Variants in SRPX observed in about 807,000 individuals in gnomAD.
SRPX encodes the protein sushi repeat-containing protein SRPX.
A neutral mutation model predicts 38.1 loss-of-function variants in SRPX; 24 were observed. The ratio of observed to expected loss-of-function variants is 0.63; its 90% CI spans 0.46 to 0.89. SRPX has a LOEUF of 0.89. Ranked by LOEUF, SRPX falls within the 40% of genes least tolerant of loss-of-function variation. The probability of loss-of-function intolerance (pLI) is 0.00; values close to 1 mark genes in which losing one functional copy is unlikely to be tolerated. For missense variants in SRPX, 416 were observed against 377.8 expected, an observed-to-expected ratio of 1.10 and a Z score of -0.84; for synonymous variants, 184 against 153.8, an observed-to-expected ratio of 1.20 and a Z score of -1.45.
intron 1 of SRPX, among the ~76,000 whole-genome samples, chrX:38,216,127 C>A (rs1203229653): frequency 8.9e-6 from 1 of 112,068 alleles, no homozygotes; most frequent in African/African-American, 3.2e-5. Context: ...CCTCTACTTT[C>A]ACTTTTCTTG....
At chrX:38,213,840 C>T (rs1404182593) in intron 1 of SRPX, among the ~76,000 whole-genome samples, 2 of 111,557 alleles carry the variant, frequency 1.8e-5, no homozygotes, top group Non-Finnish European at 3.8e-5. Flanking sequence ...GGAGGTGCTA[C>T]ACACTTTGAA....
intron 1 of SRPX, among the ~76,000 whole-genome samples, chrX:38,189,960 T>C (rs1413604881): frequency 1.8e-5 from 2 of 112,045 alleles, no homozygotes; most frequent in African/African-American, 6.5e-5. Flanking sequence ...GAATGAGACA[T>C]CCATCTCCCT....
chrX:38,157,108 C>T lies in SRPX; in HGVS notation c.956-79G>A, dbSNP rs149491255. 3,042 of 1,097,415 alleles carry T rather than the reference C, an allele frequency of 2.8e-3. 9 individuals carry two copies. Among genetic ancestry groups the T allele is most frequent in the Non-Finnish European group, 3.4e-3 (2,782 of 815,342 alleles). 90.4% of individuals were successfully genotyped at this position (1,097,415 alleles called of 1,213,427 possible). On this transcript the variant is annotated intron_variant, in intron 7 of 9. Transcript: ENST00000378533. The stretch of plus-strand genomic sequence containing the variant: ...ACAGAGCCTATGATGACACACAGAA[C>T]CATTTGTGTAAGAAGTAAACCCTGA...
chrX:38,219,137 A>G (rs1322699006), intron 1 of SRPX, among the ~76,000 whole-genome samples: 1 of 110,916 alleles, frequency 9.0e-6, no homozygotes, highest in African/African-American at 3.3e-5. Context: ...GGGCCCTGGT[A>G]GCAAGCTGTA....
intron 5 of SRPX, among the ~76,000 whole-genome samples, 170 bp downstream of exon 5, chrX:38,164,599 G>A (rs755874301): frequency 1.8e-5 from 2 of 112,407 alleles, no homozygotes; most frequent in South Asian, 7.4e-4. Context: ...TTATAATAGA[G>A]ACAGGCAATC....
chrX:38,170,347 C>T (rs1339969529), intron 4 of SRPX, among the ~76,000 whole-genome samples: 1 of 112,358 alleles, frequency 8.9e-6, no homozygotes, highest in Non-Finnish European at 1.9e-5. Flanking sequence ...CCCCCTACCC[C>T]TGTCAACACA....
intron 1 of SRPX, among the ~76,000 whole-genome samples, chrX:38,211,212 A>G (rs1396386410): frequency 8.9e-6 from 1 of 112,603 alleles, no homozygotes; most frequent in Non-Finnish European, 1.9e-5. Context: ...TTAAAATGTT[A>G]AAACCATTCT....
rs2073310 is a variant in SRPX at position 38,160,590 on chromosome X, T to C, written c.775+343A>G. 3.6e-3 allele frequency among the ~76,000 whole-genome samples: 401 copies of C among 111,881 alleles called. 4 individuals carry two copies. The East Asian group carries it at 0.051, about 14-fold the overall frequency. ...GTGGCCCAAATTAGGGGGCTCCTAT[T>C]CACCCTGGTTGTAGATGGACTCACA... On this transcript the variant is annotated intron_variant, in intron 6 of 9. Coordinates refer to ENST00000378533, the MANE Select transcript of SRPX (RefSeq NM_006307.5).
At chrX:38,157,218 T>C (rs1406299898) in intron 7 of SRPX, among the ~76,000 whole-genome samples, 189 bp from the exon 8 acceptor site, 1 of 111,809 alleles carries the variant, frequency 8.9e-6, no homozygotes, top group African/African-American at 3.3e-5. Context: ...ATTCACTTCC[T>C]CTTGCTGCTG....
At chrX:38,153,707 T>C (rs1938067120) in intron 9 of SRPX, among the ~76,000 whole-genome samples, 1 of 111,481 alleles carries the variant, frequency 9.0e-6, no homozygotes, top group African/African-American at 3.3e-5. Context: ...TTTTACTCTC[T>C]TTCCCCACTT....
intron 1 of SRPX, among the ~76,000 whole-genome samples, chrX:38,196,063 A>T (rs991343578): frequency 8.9e-6 from 1 of 112,519 alleles, no homozygotes; most frequent in Non-Finnish European, 1.9e-5. Flanking sequence ...GAAACCATAG[A>T]CATGAAAAGT....
In SRPX at chrX:38,160,203, G is replaced by T. The variant is rs1398787911; in HGVS notation, c.776-7C>A. The T allele has an allele frequency of 8.3e-7, 1 of 1,208,044 alleles. No individual in the cohort carries two copies. Among genetic ancestry groups the T allele is most frequent in the Admixed American group, 2.2e-5 (1 of 45,754 alleles). ...AGTTTGCCACAGCGTTTGACTGTAG[G>T]GACACAAGTCCAGAGGGGTCTCAGT... On this transcript the variant is annotated splice_region_variant and splice_polypyrimidine_tract_variant and intron_variant, in intron 6 of 9. Coordinates refer to ENST00000378533, the MANE Select transcript of SRPX (RefSeq NM_006307.5).
At chrX:38,199,699 G>A (rs1225267649) in intron 1 of SRPX, among the ~76,000 whole-genome samples, 1 of 109,045 alleles carries the variant, frequency 9.2e-6, no homozygotes, top group Non-Finnish European at 1.9e-5. Context: ...TTCCTAGAGC[G>A]TGAGCAGGAT....
intron 1 of SRPX, among the ~76,000 whole-genome samples, chrX:38,188,317 A>T (rs181212529): frequency 8.9e-6 from 1 of 112,287 alleles, no homozygotes. Flanking sequence ...TTTATAGGAC[A>T]TATCAGACAT....
chrX:38,213,147 G>A (rs1939362442), intron 1 of SRPX, among the ~76,000 whole-genome samples: 1 of 112,006 alleles, frequency 8.9e-6, no homozygotes, highest in Non-Finnish European at 1.9e-5. Flanking sequence ...CCATTTTTAT[G>A]GAAGGTCAAT....
At chrX:38,192,739 A>T (rs1248413891) in intron 1 of SRPX, among the ~76,000 whole-genome samples, 1 of 112,264 alleles carries the variant, frequency 8.9e-6, no homozygotes, top group Non-Finnish European at 1.9e-5. Flanking sequence ...CTGCAGTGAC[A>T]GGCTCCCTTT....
intron 1 of SRPX, among the ~76,000 whole-genome samples, chrX:38,188,496 A>G (rs1938832447): frequency 8.9e-6 from 1 of 112,064 alleles, no homozygotes; most frequent in African/African-American, 3.2e-5. Context: ...ACATATAAAG[A>G]ATAAACCTTA....
chrX:38,215,598 A>G (rs1015989102), intron 1 of SRPX, among the ~76,000 whole-genome samples: 4 of 112,439 alleles, frequency 3.6e-5, no homozygotes, highest in Non-Finnish European at 7.5e-5. Context: ...ACATTTAGCT[A>G]TCTTGCAATC....
chrX:38,186,362 T>A (rs1053432138), intron 1 of SRPX, among the ~76,000 whole-genome samples: 1 of 111,674 alleles, frequency 9.0e-6, no homozygotes, highest in Non-Finnish European at 1.9e-5. Context: ...GCCAAGCCAA[T>A]AACTTGCTTG....
Sources: gnomAD v4.1 joint callset for allele counts (sites outside exome capture counted in the v4.1 genomes callset) on GRCh38, gnomAD v4.1.1 for gene constraint, MANE v1.5 for transcripts, NCBI Gene and HGNC (gene_info 2026-07-23, HGNC 2026-07-21) for gene names.